The following TENM3 variants were observed in gnomAD, a reference collection of about 807,000 sequenced individuals.
TENM3 encodes the protein teneurin-3.
TENM3 carries 63 observed loss-of-function variants against 255.1 expected under a neutral mutation model. That is an observed-to-expected ratio of 0.25 (90% CI 0.20 to 0.30). TENM3 has a LOEUF of 0.30. Ranked by LOEUF, TENM3 falls within the 10% of genes least tolerant of loss-of-function variation. The pLI is 1.00. For missense variants in TENM3, 2,929 were observed against 3,461.1 expected (o/e 0.85, Z 3.86); for synonymous variants, 1,306 against 1,322.3 (o/e 0.99, Z 0.27).
chr4:182,233,964 G>A (rs73001481), intron 1 of TENM3, among the ~76,000 whole-genome samples: 242 of 152,282 alleles, frequency 1.6e-3, no homozygotes, highest in African/African-American at 4.5e-3. Flanking sequence ...CTTTCCAGGC[G>A]TCTGATTTTT....
chr4:181,754,756 G>A, the TENM3 span, among the ~76,000 whole-genome samples: 51 of 152,198 alleles, frequency 3.4e-4, no homozygotes, highest in East Asian at 1.4e-3. Flanking sequence ...CATGACTCTC[G>A]TTTCAGGATT....
chr4:182,530,691 G>A (rs753660123), intron 3 of TENM3, among the ~76,000 whole-genome samples: 8 of 152,196 alleles, frequency 5.3e-5, no homozygotes, highest in Non-Finnish European at 1.2e-4. Flanking sequence ...ATTGCTCCCA[G>A]TTGAGAACTG....
At chr4:182,545,298 T>G (rs2151906937) in intron 3 of TENM3, among the ~76,000 whole-genome samples, 1 of 152,250 alleles carries the variant, frequency 6.6e-6, no homozygotes, top group Admixed American at 6.5e-5. Flanking sequence ...AGATGTATAT[T>G]TTTGGATAGG....
At chr4:181,663,116 C>A in the TENM3 span, among the ~76,000 whole-genome samples, 1 of 152,078 alleles carries the variant, frequency 6.6e-6, no homozygotes, top group African/African-American at 2.4e-5. Flanking sequence ...CTATTTTTTT[C>A]TGCAGGGTCT....
At chr4:182,395,884 A>G (rs1325813182) in intron 3 of TENM3, among the ~76,000 whole-genome samples, 1 of 152,230 alleles carries the variant, frequency 6.6e-6, no homozygotes, top group Non-Finnish European at 1.5e-5. Flanking sequence ...TGGGGTGTTT[A>G]GAGGAAGAGA....
At chr4:181,961,609 C>T in the TENM3 span, among the ~76,000 whole-genome samples, 18 of 152,164 alleles carry the variant, frequency 1.2e-4, 1 homozygote, top group Non-Finnish European at 2.4e-4. Context: ...TTAGTAGAGA[C>T]GGGCTTTCAC....
chr4:182,489,370 A>C (rs890809468), intron 3 of TENM3, among the ~76,000 whole-genome samples: 1 of 152,194 alleles, frequency 6.6e-6, no homozygotes, highest in African/African-American at 2.4e-5. Context: ...TCTGACCTAA[A>C]ATGATTTAGA....
Position 182,628,647 on chromosome 4 carries a change from A to G in TENM3, c.750-4A>G, listed in dbSNP as rs2152469654. 1 of 1,548,978 alleles carries G rather than the reference A, an allele frequency of 6.5e-7. No individual in the cohort carries two copies. The highest frequency in any genetic ancestry group is 8.8e-7 in the Non-Finnish European group (1 of 1,136,206). ...TCTTATAATGATATTCTCCTTTTCC[A>G]CAGGCATTTCCTATTCAAAACAGGA... On this transcript the variant is annotated splice_region_variant and splice_polypyrimidine_tract_variant and intron_variant, in intron 4 of 27. Transcript: ENST00000511685.
chr4:182,600,501 G>A (rs1747721461), intron 3 of TENM3, among the ~76,000 whole-genome samples: 1 of 151,836 alleles, frequency 6.6e-6, no homozygotes, highest in Admixed American at 6.6e-5. Flanking sequence ...ATAATTATAG[G>A]GATTATATGC....
chr4:182,718,461 C>T (rs1759390614), intron 13 of TENM3, among the ~76,000 whole-genome samples: 1 of 152,164 alleles, frequency 6.6e-6, no homozygotes, highest in Non-Finnish European at 1.5e-5. Context: ...TGAATTAGGT[C>T]ACCTGCCCAA....
chr4:181,668,006 T>C, the TENM3 span, among the ~76,000 whole-genome samples: 5 of 152,148 alleles, frequency 3.3e-5, no homozygotes, highest in African/African-American at 1.2e-4. Flanking sequence ...ACTGAGAAAC[T>C]GTGTGTGTGT....
At chr4:181,888,919 A>T in the TENM3 span, among the ~76,000 whole-genome samples, 2 of 151,448 alleles carry the variant, frequency 1.3e-5, no homozygotes, top group Non-Finnish European at 2.9e-5. Flanking sequence ...AGAGATTAGT[A>T]GACGCCCACC....
In TENM3 at chr4:182,684,106, TCAAA is replaced by T. The variant is rs571671828; in HGVS notation, c.2035+2094_2035+2097del. On this transcript the variant is annotated intron_variant, in intron 11 of 27. Coordinates refer to ENST00000511685, the MANE Select transcript of TENM3 (RefSeq NM_001080477.4). ...AAAGAGATGAATTCCGTTTGGATACTCAAACTAAGCAAAACTACACAGTTCATCA... is the reference window on the plus strand; with the variant it reads ...AAAGAGATGAATTCCGTTTGGATACTCTAAGCAAAACTACACAGTTCATCA... Among the ~76,000 whole-genome samples the T allele has an allele frequency of 1.7e-3, 251 of 151,076 alleles. 1 individual carries two copies. The highest frequency in any genetic ancestry group is 5.8e-3 in the African/African-American group (240 of 41,086).
At chr4:182,129,556 A>G in the TENM3 span, among the ~76,000 whole-genome samples, 2 of 152,166 alleles carry the variant, frequency 1.3e-5, no homozygotes, top group Admixed American at 6.5e-5. Context: ...TCAAGAAAAA[A>G]ACAGAAATTA....
At chr4:182,587,572 C>T (rs938001361) in intron 3 of TENM3, among the ~76,000 whole-genome samples, 5 of 151,890 alleles carry the variant, frequency 3.3e-5, no homozygotes, top group East Asian at 2.0e-4. Flanking sequence ...AGTGAGACTT[C>T]GCCTCAAAAA....
At chr4:182,445,474 A>G (rs1446357733) in intron 3 of TENM3, among the ~76,000 whole-genome samples, 1 of 152,204 alleles carries the variant, frequency 6.6e-6, no homozygotes, top group Non-Finnish European at 1.5e-5. Context: ...TTAGCGGGAA[A>G]GGTAATAATC....
Position 182,655,951 on chromosome 4 carries a change from C to T in TENM3, c.1111+2058C>T, listed in dbSNP as rs1753708197. On this transcript the variant is annotated intron_variant, in intron 6 of 27. Transcript: ENST00000511685. Reference sequence around the variant, plus strand: ...TGTATTTCTCATTTTTAACAAACGCCACTTGCAACCCACTAAAATAATTTC... The same window carrying T: ...TGTATTTCTCATTTTTAACAAACGCTACTTGCAACCCACTAAAATAATTTC... 2.0e-5 allele frequency among the ~76,000 whole-genome samples: 3 copies of T among 152,094 alleles called. No individual in the cohort carries two copies. In the South Asian group the frequency reaches 6.2e-4, roughly 32 times the overall value.
the TENM3 span, among the ~76,000 whole-genome samples, chr4:181,450,239 AATAC>A: frequency 1.3e-5 from 2 of 152,126 alleles, no homozygotes; most frequent in African/African-American, 4.8e-5. Flanking sequence ...GTGTCATTTT[AATAC>A]ATAACTATAA....
chr4:182,490,726 T>TGGGTACATGTGGTACAAA (rs60482694), intron 3 of TENM3, among the ~76,000 whole-genome samples: 1 of 152,042 alleles, frequency 6.6e-6, no homozygotes, highest in Non-Finnish European at 1.5e-5. Context: ...GATGGTACCT[T>TGGGTACATGTGGTACAAA]ATGAAGGGAC....
Sources: allele counts gnomAD v4.1 joint callset (sites outside exome capture counted in the v4.1 genomes callset), GRCh38; gene constraint gnomAD v4.1.1; transcripts MANE v1.5; gene names NCBI Gene and HGNC (gene_info 2026-07-23, HGNC 2026-07-21).